The following LHFPL3 variants were observed in gnomAD, a reference collection of about 807,000 sequenced individuals.
LHFPL3 encodes the protein LHFPL tetraspan subfamily member 3 protein.
A neutral mutation model predicts 19.3 loss-of-function variants in LHFPL3; 5 were observed. That is an observed-to-expected ratio of 0.26 (90% confidence interval 0.14 to 0.54). The LOEUF (loss-of-function observed/expected upper bound fraction) is 0.54, where lower values mean the gene tolerates loss of function less well. LHFPL3 is among the 20% of genes least tolerant of loss of function. The pLI is 0.94. For synonymous variants in LHFPL3, 133 were observed against 126.2 expected (o/e 1.05, Z -0.36); for missense variants, 249 against 307.4 (o/e 0.81, Z 1.42).
At chr7:104,818,861 T>A (rs1310410768) in intron 2 of LHFPL3, among the ~76,000 whole-genome samples, 3 of 152,170 alleles carry the variant, frequency 2.0e-5, no homozygotes, top group African/African-American at 7.2e-5. Flanking sequence ...TGAGATTTAA[T>A]CTTTAACTAT....
intron 2 of LHFPL3, among the ~76,000 whole-genome samples, chr7:104,874,913 C>G (rs924172164): frequency 7.1e-6 from 1 of 141,780 alleles, no homozygotes; most frequent in African/African-American, 2.6e-5. Context: ...GTGGTGAGAT[C>G]CTAGGTCATT....
At chr7:104,768,068 C>T (rs1019378409) in intron 2 of LHFPL3, among the ~76,000 whole-genome samples, 1 of 151,842 alleles carries the variant, frequency 6.6e-6, no homozygotes, top group Middle Eastern at 3.2e-3. Context: ...GACTTCTTCC[C>T]CATCAGCCTT....
intron 1 of LHFPL3, among the ~76,000 whole-genome samples, chr7:104,586,552 C>G (rs1429119504): frequency 1.3e-5 from 2 of 151,994 alleles, no homozygotes; most frequent in African/African-American, 4.8e-5. Context: ...TTTTCTATTA[C>G]CTCTCACCTT....
intron 1 of LHFPL3, among the ~76,000 whole-genome samples, chr7:104,565,614 A>G (rs17421541): frequency 0.28 from 42,583 of 152,052 alleles, 7,355 homozygotes; most frequent in East Asian, 0.47. Context: ...ATGGCCTGGT[A>G]CTTTAATGAA....
chr7:104,664,582 A>G (rs28638425), intron 1 of LHFPL3, among the ~76,000 whole-genome samples: 23,436 of 152,124 alleles, frequency 0.15, 1,848 homozygotes, highest in Non-Finnish European at 0.17. Flanking sequence ...TAGGCTTTGC[A>G]TGTCCCTTGC....
chr7:104,905,514 G>A (rs1452335916), intron 2 of LHFPL3, among the ~76,000 whole-genome samples: 3 of 152,054 alleles, frequency 2.0e-5, no homozygotes, highest in South Asian at 2.1e-4. Context: ...TTCAGCTCAG[G>A]AGTTCGAGAT....
chr7:104,765,095 C>G (rs747115752), intron 2 of LHFPL3, among the ~76,000 whole-genome samples: 4 of 152,156 alleles, frequency 2.6e-5, no homozygotes, highest in African/African-American at 9.7e-5. Flanking sequence ...AAGAAGCAAA[C>G]AAAAGATGAC....
At chr7:104,354,948 C>T (rs1790246945) in intron 1 of LHFPL3, among the ~76,000 whole-genome samples, 1 of 152,070 alleles carries the variant, frequency 6.6e-6, no homozygotes, top group Non-Finnish European at 1.5e-5. Flanking sequence ...TACTGTCTTT[C>T]AAATCCTGTG....
In LHFPL3 at chr7:104,499,989, G is replaced by A. The variant is rs546446122; in HGVS notation, c.445+170765G>A. On this transcript the variant is annotated intron_variant, in intron 1 of 2. Coordinates refer to ENST00000424859, the MANE Select transcript of LHFPL3 (RefSeq NM_199000.3). ...TGCAGTAAATGTATTATTCTTTAAC[G>A]TAAGACTGAGTCAGAAAGATGAGCA... Among the ~76,000 whole-genome samples the A allele has an allele frequency of 4.3e-4, 66 of 152,226 alleles. 2 individuals are homozygous for A. Among genetic ancestry groups the A allele is most frequent in the African/African-American group, 1.3e-3 (53 of 41,540 alleles).
chr7:104,628,720 G>A (rs971560086), intron 1 of LHFPL3, among the ~76,000 whole-genome samples: 1 of 152,094 alleles, frequency 6.6e-6, no homozygotes, highest in Non-Finnish European at 1.5e-5. Flanking sequence ...AGCTTTTTCT[G>A]TTAAAAATAA....
At chr7:104,840,308 C>A (rs115459950) in intron 2 of LHFPL3, among the ~76,000 whole-genome samples, 4 of 118,376 alleles carry the variant, frequency 3.4e-5, no homozygotes, top group Non-Finnish European at 3.3e-5. Flanking sequence ...TGTGGGTTTT[C>A]TTTTTTTTTT....
Position 104,498,541 on chromosome 7 carries a change from G to A in LHFPL3, c.445+169317G>A, listed in dbSNP as rs577231265. Reference sequence around the variant, plus strand: ...AGACAGGGTCTCACTCTGTTGCCCAGGTTTGAGTGCAGGGTCTCACTCTGC... The same window carrying A: ...AGACAGGGTCTCACTCTGTTGCCCAAGTTTGAGTGCAGGGTCTCACTCTGC... On this transcript the variant is annotated intron_variant, in intron 1 of 2. Coordinates refer to ENST00000424859, the MANE Select transcript of LHFPL3 (RefSeq NM_199000.3). Among the ~76,000 whole-genome samples, 7 of 147,668 alleles carry A rather than the reference G, an allele frequency of 4.7e-5. No homozygotes were observed. In the South Asian group the frequency reaches 1.3e-3, roughly 27 times the overall value.
chr7:104,371,796 G>T (rs1336758061), intron 1 of LHFPL3, among the ~76,000 whole-genome samples: 1 of 152,060 alleles, frequency 6.6e-6, no homozygotes, highest in Non-Finnish European at 1.5e-5. Flanking sequence ...AGACAATTTT[G>T]CAACAGAATA....
At chr7:104,697,304 C>A (rs779222812) in intron 1 of LHFPL3, among the ~76,000 whole-genome samples, 87 of 152,302 alleles carry the variant, frequency 5.7e-4, no homozygotes, top group Non-Finnish European at 1.1e-3. Context: ...TAAGAGGTAA[C>A]TTCTGAGCAA....
At chr7:104,385,074 T>C (rs2116459290) in intron 1 of LHFPL3, among the ~76,000 whole-genome samples, 1 of 152,258 alleles carries the variant, frequency 6.6e-6, no homozygotes, top group East Asian at 1.9e-4. Context: ...GAATGGCCCA[T>C]TTGAGAACCT....
chr7:104,845,690 G>GTGTT (rs1281422232), intron 2 of LHFPL3, among the ~76,000 whole-genome samples: 1 of 152,250 alleles, frequency 6.6e-6, no homozygotes, highest in Non-Finnish European at 1.5e-5. Flanking sequence ...CCTGGGGGAT[G>GTGTT]TGTTTGGTTA....
intron 2 of LHFPL3, among the ~76,000 whole-genome samples, chr7:104,903,347 G>A (rs1792529971): frequency 6.6e-6 from 1 of 151,830 alleles, no homozygotes. Context: ...AATTAGGAGT[G>A]TACTTACTTG....
At chr7:104,775,795 T>C in intron 2 of LHFPL3, among the ~76,000 whole-genome samples, 1 of 151,968 alleles carries the variant, frequency 6.6e-6, no homozygotes, top group Non-Finnish European at 1.5e-5. Flanking sequence ...TCTTCCTGTC[T>C]GAAAGGCTTA....
chr7:104,436,963 TC>T (rs1298190519), intron 1 of LHFPL3, among the ~76,000 whole-genome samples: 25 of 152,332 alleles, frequency 1.6e-4, no homozygotes, highest in Middle Eastern at 6.8e-3. Context: ...TGGAAATATC[TC>T]CATATGTTTA....
Sources: gnomAD v4.1 joint callset for allele counts (sites outside exome capture counted in the v4.1 genomes callset) on GRCh38, gnomAD v4.1.1 for gene constraint, MANE v1.5 for transcripts, NCBI Gene and HGNC (gene_info 2026-07-23, HGNC 2026-07-21) for gene names.